ZFPM2: variants seen among roughly 807,000 people sequenced by gnomAD.
ZFPM2 encodes the protein zinc finger protein ZFPM2.
Under a neutral mutation model 98.6 loss-of-function variants are expected in ZFPM2, and 20 were observed. That is an observed-to-expected ratio of 0.20 (90% CI 0.14 to 0.29). The LOEUF (loss-of-function observed/expected upper bound fraction) is 0.29, where lower values mean the gene tolerates loss of function less well. Among genes scored for constraint, ZFPM2 ranks in the 10% least tolerant of loss-of-function variants. The pLI, the probability that ZFPM2 is intolerant of heterozygous loss-of-function variation, is 1.00. For missense variants in ZFPM2, 1,310 were observed against 1,388.6 expected (o/e 0.94, Z 0.90); for synonymous variants, 518 against 502.7 (o/e 1.03, Z -0.41).
intron 6 of ZFPM2, among the ~76,000 whole-genome samples, chr8:105,790,795 G>C (rs947192401): frequency 6.6e-6 from 1 of 152,086 alleles, no homozygotes; most frequent in African/African-American, 2.4e-5. Flanking sequence ...AGTTCTCCTT[G>C]AAGAGGTCCT....
Position 105,569,518 on chromosome 8 carries a change from G to A in ZFPM2, c.420+8037G>A, listed in dbSNP as rs191840975. Among the ~76,000 whole-genome samples, 4 of 152,274 alleles carry A rather than the reference G, an allele frequency of 2.6e-5. No homozygotes were observed. The East Asian group carries it at 7.7e-4, about 29-fold the overall frequency. ...CTTTTATTTTAGTCTCGTTTGAGAGGAAACTTCAGTAGGACAAGATAACTA... is the reference window on the plus strand; with the variant it reads ...CTTTTATTTTAGTCTCGTTTGAGAGAAAACTTCAGTAGGACAAGATAACTA... On this transcript the variant is annotated intron_variant, in intron 4 of 7. Coordinates refer to ENST00000407775, the MANE Select transcript of ZFPM2 (RefSeq NM_012082.4).
At chr8:105,508,654 C>T (rs1012229141) in intron 3 of ZFPM2, among the ~76,000 whole-genome samples, 5 of 151,978 alleles carry the variant, frequency 3.3e-5, no homozygotes, top group Non-Finnish European at 5.9e-5. Flanking sequence ...AGACCAGATG[C>T]ACCTCTTCTA....
intron 4 of ZFPM2, 69 bp from the exon 5 acceptor site, chr8:105,634,177 T>C (rs1441432823): frequency 9.6e-6 from 11 of 1,141,216 alleles, no homozygotes; most frequent in African/African-American, 1.5e-5. Flanking sequence ...AAATGATTAG[T>C]ACAGTTATTA....
intron 5 of ZFPM2, among the ~76,000 whole-genome samples, chr8:105,658,606 A>AAAAAAAAAAAAAAAAC (rs1563508874): frequency 2.5e-5 from 1 of 40,484 alleles, no homozygotes; most frequent in Admixed American, 2.4e-4. Context: ...AAAAAAAAAA[A>AAAAAAAAAAAAAAAAC]AAAAAGAAAT....
intron 2 of ZFPM2, among the ~76,000 whole-genome samples, chr8:105,434,606 C>A (rs1812084956): frequency 6.6e-6 from 1 of 152,138 alleles, no homozygotes; most frequent in Non-Finnish European, 1.5e-5. Context: ...TATGTGATAT[C>A]TATTCTCTGA....
intron 3 of ZFPM2, among the ~76,000 whole-genome samples, chr8:105,456,854 A>T (rs567443554): frequency 6.6e-6 from 1 of 152,048 alleles, no homozygotes; most frequent in African/African-American, 2.4e-5. Context: ...TTGTATTTTT[A>T]TCAGAGACCG....
chr8:105,371,799 A>G (rs184562946), intron 1 of ZFPM2, among the ~76,000 whole-genome samples: 99 of 152,230 alleles, frequency 6.5e-4, no homozygotes, highest in African/African-American at 2.4e-3. Flanking sequence ...GGACATTATT[A>G]GGATGATTGG....
At chr8:105,789,791 A>G (rs1389451470) in intron 6 of ZFPM2, among the ~76,000 whole-genome samples, 1 of 152,100 alleles carries the variant, frequency 6.6e-6, no homozygotes, top group Non-Finnish European at 1.5e-5. Context: ...CTGGGGTGAG[A>G]TGATATCTCA....
intron 5 of ZFPM2, among the ~76,000 whole-genome samples, chr8:105,749,838 A>G (rs1333624363): frequency 6.6e-6 from 1 of 151,990 alleles, no homozygotes; most frequent in Non-Finnish European, 1.5e-5. Flanking sequence ...TTAGCTATCC[A>G]GGAATATGCT....
chr8:105,552,631 C>T (rs1001564495), intron 3 of ZFPM2, among the ~76,000 whole-genome samples: 23 of 146,510 alleles, frequency 1.6e-4, no homozygotes, highest in African/African-American at 5.5e-4. Flanking sequence ...TTTCAGACAC[C>T]TGGGATGGGC....
At position 105,801,102 on chromosome 8, in the gene ZFPM2, T is replaced by C. The variant is rs1813988299; in HGVS notation, c.1020T>C (p.Cys340=). The C allele has an allele frequency of 1.2e-6, 2 of 1,613,970 alleles. No homozygotes were observed. Among genetic ancestry groups the C allele is most frequent in the Non-Finnish European group, 1.7e-6 (2 of 1,179,870 alleles). ...GTGCTAGTCTAAAATGCACCGTCTG[T>C]AGCTACACTGCTGATTCCGTGATCA... ...PPGASLKCTV[C]SYTADSVINF... Residue 340 remains cysteine (C), a synonymous_variant, in exon 8 of 8, where the codon TGT becomes TGC. Coordinates refer to ENST00000407775, the MANE Select transcript of ZFPM2 (RefSeq NM_012082.4).
intron 1 of ZFPM2, among the ~76,000 whole-genome samples, chr8:105,319,213 C>T (rs977741577): frequency 6.6e-6 from 1 of 152,134 alleles, no homozygotes; most frequent in Non-Finnish European, 1.5e-5. Context: ...CCCATGCTTG[C>T]CCCGCTCAGC....
intron 2 of ZFPM2, among the ~76,000 whole-genome samples, chr8:105,431,495 C>T (rs1298563536): frequency 6.6e-6 from 1 of 152,128 alleles, no homozygotes. Context: ...TAAGTAAACA[C>T]AGGGAAGGTC....
At chr8:105,664,321 T>TTGTGTGTGTGTG (rs148523592) in intron 5 of ZFPM2, among the ~76,000 whole-genome samples, 38 of 144,624 alleles carry the variant, frequency 2.6e-4, no homozygotes, top group Middle Eastern at 3.5e-3. Context: ...CATAAAATTC[T>TTGTGTGTGTGTG]TGTGTGTGTG....
At chr8:105,599,979 G>A (rs756695462) in intron 4 of ZFPM2, among the ~76,000 whole-genome samples, 2 of 152,076 alleles carry the variant, frequency 1.3e-5, no homozygotes, top group African/African-American at 4.8e-5. Flanking sequence ...TATCAGAGAG[G>A]CCTAAGTCTA....
chr8:105,660,563 A>C (rs1002915131), intron 5 of ZFPM2, among the ~76,000 whole-genome samples: 1 of 152,230 alleles, frequency 6.6e-6, no homozygotes, highest in African/African-American at 2.4e-5. Flanking sequence ...ACATATTTGC[A>C]CATATACACA....
At chr8:105,541,664 T>C (rs1814577491) in intron 3 of ZFPM2, among the ~76,000 whole-genome samples, 1 of 152,206 alleles carries the variant, frequency 6.6e-6, no homozygotes. Flanking sequence ...TTTTAGTATC[T>C]TTCACCAGGG....
chr8:105,443,328 A>AAAAAAAAAAAAAAAAAAAC (rs1563661173), intron 2 of ZFPM2, among the ~76,000 whole-genome samples: 3 of 146,474 alleles, frequency 2.0e-5, no homozygotes, highest in African/African-American at 7.7e-5. Context: ...ACAAAAAACA[A>AAAAAAAAAAAAAAAAAAAC]AAAAAAAAAA....
chr8:105,414,239 A>G (rs1410044690), intron 1 of ZFPM2, among the ~76,000 whole-genome samples: 1 of 152,010 alleles, frequency 6.6e-6, no homozygotes, highest in Non-Finnish European at 1.5e-5. Flanking sequence ...AAGAGAGAAG[A>G]TCCCTTTTGG....
Sources: gnomAD v4.1 joint callset for allele counts (sites outside exome capture counted in the v4.1 genomes callset) on GRCh38, gnomAD v4.1.1 for gene constraint, MANE v1.5 for transcripts, NCBI Gene and HGNC (gene_info 2026-07-23, HGNC 2026-07-21) for gene names.